The following GALR1 variants were observed in gnomAD, a reference collection of about 807,000 sequenced individuals.
GALR1 encodes the protein galanin receptor type 1.
In GALR1, 11 loss-of-function variants were observed where a neutral mutation model predicts 17.9. The ratio of observed to expected loss-of-function variants is 0.62; its 90% CI spans 0.39 to 1.02. The LOEUF (loss-of-function observed/expected upper bound fraction) is 1.02. Ranked by LOEUF, GALR1 falls within the 50% of genes least tolerant of loss-of-function variation. The pLI is 0.01. For synonymous variants in GALR1, 206 were observed against 205.7 expected, an observed-to-expected ratio of 1.00 and a Z score of -0.01; for missense variants, 441 against 456.9, an observed-to-expected ratio of 0.97 and a Z score of 0.32.
chr18:77,259,800 C>T (rs556730692), intron 2 of GALR1, among the ~76,000 whole-genome samples: 36 of 151,514 alleles, frequency 2.4e-4, no homozygotes, highest in South Asian at 1.7e-3. Context: ...GAAGCAGAGG[C>T]GTGATGAGAA....
In GALR1 at chr18:77,275,289, G is replaced by A. The variant is rs1309798690; in HGVS notation, c.*6387G>A. 6.6e-6 allele frequency: 1 copy of A among 152,272 alleles called. No homozygotes were observed. Among genetic ancestry groups the A allele is most frequent in the Admixed American group, 6.5e-5 (1 of 15,282 alleles). The allele number at this position is 152,272 out of a possible 1,614,324, so 9.4% of individuals were successfully genotyped here. On this transcript the variant is annotated 3_prime_UTR_variant, in exon 3 of 3. Coordinates refer to ENST00000299727, the MANE Select transcript of GALR1 (RefSeq NM_001480.4). ...CTCAGTGAGAGGAATTCCAATGCTG[G>A]GTCTTGACTCCCGCTGCAGGGAGCT...
chr18:77,268,484 G>A (rs1418146002), intron 2 of GALR1, 101 bp from the exon 3 acceptor site: 1 of 782,522 alleles, frequency 1.3e-6, no homozygotes, highest in African/African-American at 1.7e-5. Context: ...ATTTTAAAAT[G>A]CTGGATTCCT....
intron 2 of GALR1, among the ~76,000 whole-genome samples, chr18:77,265,085 T>G (rs1407121281): frequency 6.6e-6 from 1 of 152,186 alleles, no homozygotes; most frequent in East Asian, 1.9e-4. Context: ...ACAGTCTGAG[T>G]TCAAAGTCTC....
chr18:77,265,327 C>T (rs376338714), intron 2 of GALR1, among the ~76,000 whole-genome samples: 83 of 152,350 alleles, frequency 5.4e-4, no homozygotes, highest in African/African-American at 1.9e-3. Context: ...TGTTTCACGT[C>T]CAGGTCACAC....
rs749141409 is a variant in GALR1 at position 77,250,579 on chromosome 18, G to A, written c.31G>A (p.Gly11Ser). Reference protein sequence around the residue: MELAVGNLSEGNASWPEPPAP... With the variant: MELAVGNLSESNASWPEPPAP... Reference sequence around the variant, plus strand: ...GCTGGCGGTCGGGAACCTCAGCGAGGGCAACGCGAGCTGGCCGGAGCCCCC... The same window carrying A: ...GCTGGCGGTCGGGAACCTCAGCGAGAGCAACGCGAGCTGGCCGGAGCCCCC... The change falls in exon 1 of 3, where the codon GGC becomes AGC. Residue 11 changes from glycine to serine, a missense_variant. By Grantham distance (56) the Gly-to-Ser change is moderately conservative. Transcript: ENST00000299727. The A allele has an allele frequency of 4.7e-5, 73 of 1,541,220 alleles. No homozygotes were observed. Among genetic ancestry groups the A allele is most frequent in the Non-Finnish European group, 5.9e-5 (68 of 1,148,606 alleles).
chr18:77,275,910 G>A lies in GALR1; in HGVS notation c.*7008G>A, dbSNP rs1435938020. The A allele has an allele frequency of 2.6e-5, 4 of 152,160 alleles. No individual in the cohort carries two copies. The highest frequency in any genetic ancestry group is 7.2e-5 in the African/African-American group (3 of 41,442). 9.4% of individuals were successfully genotyped at this position (152,160 alleles called of 1,614,324 possible). On this transcript the variant is annotated 3_prime_UTR_variant, in exon 3 of 3. Transcript: ENST00000299727. ...GCCCGCGTGCCCTGTGTTCTTAACA[G>A]CCTCATGGGGCCTAGAGGAACTTTT...
Position 77,250,712 on chromosome 18 carries a change from T to A in GALR1, c.164T>A (p.Ile55Asn). 1 of 1,613,628 alleles carries A rather than the reference T, an allele frequency of 6.2e-7. No individual in the cohort carries two copies. The highest frequency in any genetic ancestry group is 8.5e-7 in the Non-Finnish European group (1 of 1,179,940). Residue 55 changes from isoleucine to asparagine, a missense_variant, in exon 1 of 3, where the codon ATC (isoleucine) becomes AAC (asparagine). Physicochemically the swap from Ile to Asn is moderately radical, Grantham distance 149. Transcript: ENST00000299727. The stretch of plus-strand genomic sequence containing the variant: ...GGTGTGCTGGGCAACAGCCTAGTGA[T>A]CACCGTGCTGGCGCGCAGCAAGCCG... ...ALGVLGNSLV[I>N]TVLARSKPGK...
intron 2 of GALR1, among the ~76,000 whole-genome samples, chr18:77,262,005 T>C (rs1248167094): frequency 1.3e-5 from 2 of 152,066 alleles, no homozygotes; most frequent in African/African-American, 2.4e-5. Context: ...TTTGAAAACA[T>C]TTTTTAAAGG....
chr18:77,274,020 C>T lies in GALR1; in HGVS notation c.*5118C>T, dbSNP rs67158019. The T allele has an allele frequency of 0.13, 19,620 of 152,118 alleles. 1,346 individuals carry two copies. Among genetic ancestry groups the T allele is most frequent in the Admixed American group, 0.17 (2,527 of 15,296 alleles). 9.4% of individuals were successfully genotyped at this position (152,118 alleles called of 1,614,324 possible). A position where few individuals can be genotyped will look rare whatever the true frequency, so the allele number is the denominator to read the frequency against. Reference sequence around the variant, plus strand: ...GTAACCCATGAACTCGGATGAATTTCGGGGCCTGCTGTGGGTTTTCTATGG... The same window carrying T: ...GTAACCCATGAACTCGGATGAATTTTGGGGCCTGCTGTGGGTTTTCTATGG... On this transcript the variant is annotated 3_prime_UTR_variant, in exon 3 of 3. Coordinates refer to ENST00000299727, the MANE Select transcript of GALR1 (RefSeq NM_001480.4).
Position 77,250,686 on chromosome 18 carries a change from G to A in GALR1, c.138G>A (p.Leu46=), listed in dbSNP as rs142421033. The part of the protein sequence containing the change: ...TLVVFGLIFA[L]GVLGNSLVIT... The stretch of plus-strand genomic sequence containing the variant: ...TGGTGTTCGGCCTGATCTTCGCGCT[G>A]GGTGTGCTGGGCAACAGCCTAGTGA... Residue 46 remains leucine (L), a synonymous_variant, in exon 1 of 3, where the codon CTG becomes CTA. Transcript: ENST00000299727. 7.4e-6 allele frequency: 12 copies of A among 1,613,080 alleles called. No individual in the cohort carries two copies. In the African/African-American group the frequency reaches 1.5e-4, roughly 20 times the overall value.
chr18:77,269,887 A>G lies in GALR1; in HGVS notation c.*985A>G, dbSNP rs191032659. The G allele has an allele frequency of 3.3e-5, 5 of 152,344 alleles. No individual in the cohort carries two copies. Among genetic ancestry groups the G allele is most frequent in the African/African-American group, 1.2e-4 (5 of 41,576 alleles). The allele number at this position is 152,344 out of a possible 1,614,324, so 9.4% of individuals were successfully genotyped here. On this transcript the variant is annotated 3_prime_UTR_variant, in exon 3 of 3. Coordinates refer to ENST00000299727, the MANE Select transcript of GALR1 (RefSeq NM_001480.4). The stretch of plus-strand genomic sequence containing the variant: ...AAAGCATATTTCATGTTTGATTTAG[A>G]TGACATTCAAAAAAAATCATGGGAC...
At chr18:77,258,836 G>A (rs1271026114) in intron 2 of GALR1, among the ~76,000 whole-genome samples, 1 of 3,598 alleles carries the variant, frequency 2.8e-4, no homozygotes, top group African/African-American at 7.1e-4. Flanking sequence ...GCTGGTGATG[G>A]TGGTGATGGT....
In GALR1 at chr18:77,269,251, A is replaced by T; in HGVS notation, c.*349A>T. 1 of 171,330 alleles carries T rather than the reference A, an allele frequency of 5.8e-6. No individual in the cohort carries two copies. The highest frequency in any genetic ancestry group is 1.2e-5 in the Non-Finnish European group (1 of 81,968). The allele number at this position is 171,330 out of a possible 1,614,324, so 10.6% of individuals were successfully genotyped here. A position where few individuals can be genotyped will look rare whatever the true frequency, so the allele number is the denominator to read the frequency against. On this transcript the variant is annotated 3_prime_UTR_variant, in exon 3 of 3. Coordinates refer to ENST00000299727, the MANE Select transcript of GALR1 (RefSeq NM_001480.4). ...CTGGCCCATCAATATGGTCAGGAAT[A>T]TTTGCAGTCTACATTTTAAAGCCAA...
At chr18:77,251,307 C>T in intron 1 of GALR1, 93 bp downstream of exon 1, 2 of 1,491,366 alleles carry the variant, frequency 1.3e-6, no homozygotes, top group South Asian at 2.7e-5. Context: ...CTGCCGGAGC[C>T]TTGGCGGCAG....
At chr18:77,256,920 A>G (rs1319864256) in intron 2 of GALR1, among the ~76,000 whole-genome samples, 1 of 152,242 alleles carries the variant, frequency 6.6e-6, no homozygotes, top group Non-Finnish European at 1.5e-5. Context: ...ATGAACTCTT[A>G]CTCAGAAAAT....
rs1913087644 is a variant in GALR1 at position 77,272,739 on chromosome 18, T to C, written c.*3837T>C. 6.6e-6 allele frequency: 1 copy of C among 152,390 alleles called. No homozygotes were observed. Among genetic ancestry groups the C allele is most frequent in the Middle Eastern group, 3.4e-3 (1 of 294 alleles). The allele number at this position is 152,390 out of a possible 1,614,324, so 9.4% of individuals were successfully genotyped here. A position where few individuals can be genotyped will look rare whatever the true frequency, so the allele number is the denominator to read the frequency against. On this transcript the variant is annotated 3_prime_UTR_variant, in exon 3 of 3. Coordinates refer to ENST00000299727, the MANE Select transcript of GALR1 (RefSeq NM_001480.4). The stretch of plus-strand genomic sequence containing the variant: ...AGATGTTAATGACTTGTTTAATTAT[T>C]GACTTACTTATTTTAAAAGCTGTAT...
chr18:77,262,022 C>T (rs144060810), intron 2 of GALR1, among the ~76,000 whole-genome samples: 2,098 of 152,142 alleles, frequency 0.014, 20 homozygotes, highest in Middle Eastern at 0.034. Flanking sequence ...AAGGTGGGGA[C>T]TCAGGATGTT....
intron 2 of GALR1, among the ~76,000 whole-genome samples, chr18:77,261,354 C>T (rs949665434): frequency 2.6e-5 from 4 of 152,154 alleles, no homozygotes; most frequent in African/African-American, 7.2e-5. Flanking sequence ...GGGACATGCC[C>T]GTCTGACGGA....
At chr18:77,267,851 A>C (rs1912976784) in intron 2 of GALR1, among the ~76,000 whole-genome samples, 1 of 152,194 alleles carries the variant, frequency 6.6e-6, no homozygotes, top group Non-Finnish European at 1.5e-5. Flanking sequence ...GTATACAGGC[A>C]CATGCTTGTT....
Sources: gnomAD v4.1 joint callset for allele counts (sites outside exome capture counted in the v4.1 genomes callset) on GRCh38, gnomAD v4.1.1 for gene constraint, MANE v1.5 for transcripts, NCBI Gene and HGNC (gene_info 2026-07-23, HGNC 2026-07-21) for gene names.